The following OTOF variants were observed in gnomAD, a reference collection of about 807,000 sequenced individuals.
The protein encoded by OTOF is fer-1-like family member 2.
A neutral mutation model predicts 236.8 loss-of-function variants in OTOF; 218 were observed. The ratio of observed to expected loss-of-function variants is 0.92; its 90% CI spans 0.82 to 1.03. The LOEUF (loss-of-function observed/expected upper bound fraction) is 1.03. Ranked by LOEUF, OTOF falls within the 50% of genes least tolerant of loss-of-function variation. The pLI is 0.00. For missense variants in OTOF, 2,590 were observed against 2,694.4 expected (o/e 0.96, Z 0.86); for synonymous variants, 1,041 against 1,072.5 (o/e 0.97, Z 0.57).
Position 26,473,236 on chromosome 2 carries a change from C to T in OTOF, c.3629G>A (p.Arg1210Gln), listed in dbSNP as rs563775041. The stretch of plus-strand genomic sequence containing the variant: ...CACCAGTGTGTAGCGACCGAAGGCC[C>T]GGCAGTCCACCACACGGATGTTCAA... ...PPLNIRVVDC[R>Q]AFGRYTLVGS... The change falls in exon 29 of 47, where the codon CGG becomes CAG. Residue 1210 changes from arginine (R) to glutamine (Q), a missense_variant. Coordinates refer to ENST00000272371, the MANE Select transcript of OTOF (RefSeq NM_194248.3). This position sits in a 1 kb window ranked among gnomAD's most constrained non-coding sequence, Gnocchi z 7.2. The T allele has an allele frequency of 1.6e-5, 26 of 1,613,230 alleles. No individual in the cohort carries two copies. The highest frequency in any genetic ancestry group is 2.0e-5 in the Non-Finnish European group (24 of 1,179,980).
chr2:26,474,477 T>G, intron 26 of OTOF, 36 bp downstream of exon 26: 2 of 1,495,172 alleles, frequency 1.3e-6, no homozygotes, highest in Non-Finnish European at 1.8e-6. Context: ...CAGCCTCCAG[T>G]CCCCAGGCCT....
intron 2 of OTOF, among the ~76,000 whole-genome samples, chr2:26,535,907 G>A (rs571318263): frequency 1.2e-4 from 18 of 152,334 alleles, no homozygotes; most frequent in Admixed American, 3.3e-4. Context: ...GGTGTCCAAG[G>A]CGCTGGGCAT....
chr2:26,518,812 C>A (rs1016488227), intron 4 of OTOF, among the ~76,000 whole-genome samples, 198 bp downstream of exon 4: 1 of 152,226 alleles, frequency 6.6e-6, no homozygotes, highest in African/African-American at 2.4e-5. Flanking sequence ...GGCAGCAGAC[C>A]CTGCCATGCC....
chr2:26,504,916 G>GTCCACCCTTTT (rs1666210044), intron 5 of OTOF, among the ~76,000 whole-genome samples: 1 of 152,206 alleles, frequency 6.6e-6, no homozygotes, highest in Non-Finnish European at 1.5e-5. Context: ...TTACAGCAGA[G>GTCCACCCTTTT]TCCACCCTTT....
intron 1 of OTOF, among the ~76,000 whole-genome samples, chr2:26,547,253 G>C (rs1183150301): frequency 6.6e-6 from 1 of 151,976 alleles, no homozygotes; most frequent in Non-Finnish European, 1.5e-5. Context: ...TTCCTTTACT[G>C]TGTTAATATG....
chr2:26,479,199 A>T (rs901774885), intron 18 of OTOF, 65 bp downstream of exon 18: 11 of 1,589,358 alleles, frequency 6.9e-6, no homozygotes, highest in African/African-American at 2.7e-5. Context: ...GTTCCAGGGA[A>T]GGCCCTCTGA....
intron 11 of OTOF, among the ~76,000 whole-genome samples, chr2:26,487,411 G>A (rs552326809): frequency 1.3e-5 from 2 of 152,258 alleles, no homozygotes; most frequent in South Asian, 4.1e-4. Flanking sequence ...GGTTACCCAA[G>A]TGGAGACCTC....
chr2:26,485,587 C>A (rs1665680330), intron 11 of OTOF, among the ~76,000 whole-genome samples: 1 of 152,190 alleles, frequency 6.6e-6, no homozygotes, highest in Admixed American at 6.5e-5. Context: ...AGTGGGCAAG[C>A]AAAGGGAAGC....
Position 26,538,018 on chromosome 2 carries a change from T to G in OTOF, c.80-244A>C, listed in dbSNP as rs80346263. 0.015 allele frequency among the ~76,000 whole-genome samples: 2,253 copies of G among 152,272 alleles called. 57 individuals are homozygous for G. Among genetic ancestry groups the G allele is most frequent in the East Asian group, 0.11 (588 of 5,164 alleles). On this transcript the variant is annotated intron_variant, in intron 1 of 46. Coordinates refer to ENST00000272371, the MANE Select transcript of OTOF (RefSeq NM_194248.3). The stretch of plus-strand genomic sequence containing the variant: ...ATGAGTTCCATGTTAGGAACGGGAA[T>G]GCTAAGGCACAGAAGGCCCAGGCTG...
rs1665198509 is a variant in OTOF, at chr2:26,475,351, A to C, written c.3126+8T>G. 3 of 1,612,700 alleles carry C rather than the reference A, an allele frequency of 1.9e-6. No individual in the cohort carries two copies. The highest frequency in any genetic ancestry group is 2.5e-6 in the Non-Finnish European group (3 of 1,179,866). On this transcript the variant is annotated splice_region_variant and intron_variant, in intron 25 of 46. Coordinates refer to ENST00000272371, the MANE Select transcript of OTOF (RefSeq NM_194248.3). ...GCTGGGGTCCCTGGCACCAGAGCCC[A>C]CCCATACCATGGAATCCTGGTCATA... is the stretch of plus-strand genomic sequence containing the variant.
Position 26,461,756 on chromosome 2 carries a change from G to A in OTOF, c.5473C>T (p.Pro1825Ser). The change falls in exon 43 of 47, where the codon CCC becomes TCC. Residue 1825 changes from proline to serine, a missense_variant. This residue lies in a region of OTOF where 1,211 missense variants were observed against 1,352.8 expected (regional missense o/e 0.90). Coordinates refer to ENST00000272371, the MANE Select transcript of OTOF (RefSeq NM_194248.3). This position sits in a 1 kb window ranked among gnomAD's most constrained non-coding sequence, Gnocchi z 6.2. ...CAGATCTGCAGGGTGAGCCGCGCGG[G>A]GATCTTGTACTCGGTCTCGTCCCAG... ...FSWDETEYKIPARLTLQIWDA... is the reference protein window; with the variant it reads ...FSWDETEYKISARLTLQIWDA... The A allele has an allele frequency of 6.2e-7, 1 of 1,614,134 alleles. No individual in the cohort carries two copies. The highest frequency in any genetic ancestry group is 8.5e-7 in the Non-Finnish European group (1 of 1,180,014).
rs1193069930 is a variant in OTOF at position 26,484,633 on chromosome 2, T to C, written c.1046A>G (p.Glu349Gly). 1.2e-6 allele frequency: 2 copies of C among 1,613,502 alleles called. No homozygotes were observed. The highest frequency in any genetic ancestry group is 1.7e-6 in the Non-Finnish European group (2 of 1,179,954). Residue 349 changes from glutamate to glycine, a missense_variant and splice_region_variant, in exon 12 of 47, where the codon GAG becomes GGG. This residue lies in a region of OTOF where 1,379 missense variants were observed against 1,341.6 expected (regional missense o/e 1.03). Coordinates refer to ENST00000272371, the MANE Select transcript of OTOF (RefSeq NM_194248.3). ...MDVGTVYSQPEHQFHHKWAIL... is the reference protein window; with the variant it reads ...MDVGTVYSQPGHQFHHKWAIL... Reference sequence around the variant, plus strand: ...GGCCCACTTGTGATGGAACTGGTGCTCTGCAATGATGAGGGGTGGGCACTG... The same window carrying C: ...GGCCCACTTGTGATGGAACTGGTGCCCTGCAATGATGAGGGGTGGGCACTG...
chr2:26,523,245 T>C (rs1187806219), intron 3 of OTOF, among the ~76,000 whole-genome samples: 1 of 152,226 alleles, frequency 6.6e-6, no homozygotes, highest in Non-Finnish European at 1.5e-5. Flanking sequence ...ACCGAACATT[T>C]CTTTCTCATG....
intron 2 of OTOF, 116 bp from the exon 3 acceptor site, chr2:26,528,036 C>G (rs762541784): frequency 2.3e-4 from 174 of 745,764 alleles, no homozygotes; most frequent in Non-Finnish European, 4.0e-4. Flanking sequence ...CTCACTTGGG[C>G]CCAGTGCTCC....
At position 26,461,581 on chromosome 2, in the gene OTOF, T is replaced by C; in HGVS notation, c.5533+115A>G. The C allele has an allele frequency of 7.0e-7, 1 of 1,433,038 alleles. No individual in the cohort carries two copies. The highest frequency in any genetic ancestry group is 9.6e-7 in the Non-Finnish European group (1 of 1,038,936). 88.8% of individuals were successfully genotyped at this position (1,433,038 alleles called of 1,614,324 possible). ...TCGGACACCCCTGGCTCTGATGGACTGGAAGCAATGACCCCTTGTCCCCCC... is the reference window on the plus strand; with the variant it reads ...TCGGACACCCCTGGCTCTGATGGACCGGAAGCAATGACCCCTTGTCCCCCC... On this transcript the variant is annotated intron_variant, in intron 43 of 46. Transcript: ENST00000272371. The surrounding 1 kb of genome is among the most constrained non-coding windows in gnomAD (Gnocchi z 6.2).
At chr2:26,545,642 A>G (rs1345103244) in intron 1 of OTOF, among the ~76,000 whole-genome samples, 8 of 152,174 alleles carry the variant, frequency 5.3e-5, no homozygotes, top group Non-Finnish European at 1.5e-5. Flanking sequence ...ATACAAAAAA[A>G]GATGTTCTAT....
At chr2:26,482,717 ATGCGTGTGTGAGTGGATGCATGTG>A (rs1665577302) in intron 13 of OTOF, 125 bp from the exon 14 acceptor site, 7 of 704,240 alleles carry the variant, frequency 9.9e-6, no homozygotes, top group African/African-American at 6.6e-5. Context: ...GTGGGTGTGC[ATGCGTGTGTGAGTGGATGCATGTG>A]TGCGTGTGTG....
In OTOF at chr2:26,529,418, C is replaced by A. The variant is rs551581421; in HGVS notation, c.139-1498G>T. The stretch of plus-strand genomic sequence containing the variant: ...CTTATGCAGAGGTCTGAATGCTCTA[C>A]GTGCATATTCATTCATTTAGTCTTT... On this transcript the variant is annotated intron_variant, in intron 2 of 46. Coordinates refer to ENST00000272371, the MANE Select transcript of OTOF (RefSeq NM_194248.3). Among the ~76,000 whole-genome samples the A allele has an allele frequency of 8.5e-5, 13 of 152,328 alleles. No homozygotes were observed. In the South Asian group the frequency reaches 2.7e-3, roughly 32 times the overall value.
rs62127740 is a variant in OTOF at position 26,540,221 on chromosome 2, C to T, written c.80-2447G>A. Among the ~76,000 whole-genome samples the T allele has an allele frequency of 7.1e-3, 1,082 of 152,286 alleles. 8 individuals are homozygous for T. The highest frequency in any genetic ancestry group is 0.014 in the Admixed American group (215 of 15,302). ...TGCTGGGATTATAGGTGTGAGTCACCGCGCCCAGCCGAAAGACGAATACCT... is the reference window on the plus strand; with the variant it reads ...TGCTGGGATTATAGGTGTGAGTCACTGCGCCCAGCCGAAAGACGAATACCT... On this transcript the variant is annotated intron_variant, in intron 1 of 46. Coordinates refer to ENST00000272371, the MANE Select transcript of OTOF (RefSeq NM_194248.3).
Sources: gnomAD v4.1 joint callset for allele counts (sites outside exome capture counted in the v4.1 genomes callset) on GRCh38, gnomAD v4.1.1 for gene constraint, gnomAD v4.1.1 regional missense constraint, Gnocchi (gnomAD v3.1) non-coding constraint, MANE v1.5 for transcripts, NCBI Gene and HGNC (gene_info 2026-07-23, HGNC 2026-07-21) for gene names.